The following ZNF804B variants were observed in gnomAD, a reference collection of about 807,000 sequenced individuals.
ZNF804B encodes zinc finger 804B.
In ZNF804B, 80 loss-of-function variants were observed where a neutral mutation model predicts 101.4. That is an observed-to-expected ratio of 0.79 (90% CI 0.66 to 0.95). ZNF804B has a LOEUF of 0.95. ZNF804B is among the 40% of genes least tolerant of loss of function. The pLI is 0.00. For synonymous variants in ZNF804B, 622 were observed against 558.8 expected, an observed-to-expected ratio of 1.11 and a Z score of -1.59; for missense variants, 1,673 against 1,561.9, an observed-to-expected ratio of 1.07 and a Z score of -1.20.
intron 2 of ZNF804B, among the ~76,000 whole-genome samples, chr7:89,308,837 G>C (rs1790607222): frequency 6.6e-6 from 1 of 152,194 alleles, no homozygotes; most frequent in African/African-American, 2.4e-5. Flanking sequence ...AAAAGTAGAA[G>C]TGGCTGTTTT....
At chr7:89,185,582 C>T (rs142584707) in intron 1 of ZNF804B, among the ~76,000 whole-genome samples, 3 of 152,190 alleles carry the variant, frequency 2.0e-5, no homozygotes, top group East Asian at 1.9e-4. Context: ...AGGATCTGGT[C>T]GGGCGCGGTG....
intron 1 of ZNF804B, among the ~76,000 whole-genome samples, chr7:88,946,554 C>CTTTT (rs202172425): frequency 7.8e-6 from 1 of 128,120 alleles, no homozygotes; most frequent in Non-Finnish European, 1.7e-5. Context: ...CTGAAATTTT[C>CTTTT]TTTTTTTTTT....
At chr7:89,317,815 G>T (rs1294796497) in intron 2 of ZNF804B, among the ~76,000 whole-genome samples, 1 of 152,194 alleles carries the variant, frequency 6.6e-6, no homozygotes, top group Non-Finnish European at 1.5e-5. Flanking sequence ...TGGCCAACCA[G>T]TATAGACAGA....
intron 2 of ZNF804B, among the ~76,000 whole-genome samples, chr7:89,272,058 T>C (rs1265252931): frequency 6.6e-6 from 1 of 152,052 alleles, no homozygotes; most frequent in Admixed American, 6.6e-5. Context: ...TTTAAATTAT[T>C]CTCATTTTTT....
chr7:88,990,229 T>C (rs1793825799), intron 1 of ZNF804B, among the ~76,000 whole-genome samples: 1 of 151,992 alleles, frequency 6.6e-6, no homozygotes, highest in Non-Finnish European at 1.5e-5. Context: ...AAATATAGTA[T>C]ACTTCTTGGG....
chr7:89,281,967 C>T (rs1001748577), intron 2 of ZNF804B, among the ~76,000 whole-genome samples: 11 of 151,886 alleles, frequency 7.2e-5, no homozygotes, highest in South Asian at 4.2e-4. Context: ...TTTGGGAGGC[C>T]GAGGCGGGCG....
intron 1 of ZNF804B, among the ~76,000 whole-genome samples, chr7:89,045,273 A>G (rs1013332123): frequency 2.0e-5 from 3 of 152,244 alleles, no homozygotes; most frequent in Non-Finnish European, 4.4e-5. Flanking sequence ...ATGTCCAGGC[A>G]GAAGTCTGCT....
At position 88,910,078 on chromosome 7, in the gene ZNF804B, T is replaced by C. The variant is rs936956680; in HGVS notation, c.108+149994T>C. 3.0e-4 allele frequency among the ~76,000 whole-genome samples: 45 copies of C among 151,840 alleles called. 1 individual carries two copies. The highest frequency in any genetic ancestry group is 2.8e-3 in the Admixed American group (42 of 15,202). ...TATAACTATTATAAAAACAATCACA[T>C]TAGATTTAAAAACATAACCAGGGCA... On this transcript the variant is annotated intron_variant, in intron 1 of 3. Transcript: ENST00000333190.
rs540751082 is a variant in ZNF804B, at chr7:88,788,096, C to T, written c.108+28012C>T. Among the ~76,000 whole-genome samples, 7 of 152,070 alleles carry T rather than the reference C, an allele frequency of 4.6e-5. No homozygotes were observed. In the East Asian group the frequency reaches 5.8e-4, roughly 13 times the overall value. ...GGAGGGGTAGGTTGAAGGAATGTGG[C>T]GGCAGGGAATGATGCATTCATCTAG... On this transcript the variant is annotated intron_variant, in intron 1 of 3. Coordinates refer to ENST00000333190, the MANE Select transcript of ZNF804B (RefSeq NM_181646.5).
At chr7:89,027,337 G>T (rs1355671152) in intron 1 of ZNF804B, among the ~76,000 whole-genome samples, 1 of 152,080 alleles carries the variant, frequency 6.6e-6, no homozygotes, top group African/African-American at 2.4e-5. Flanking sequence ...ATGTTCGATA[G>T]GAAAAGGATT....
At position 88,791,629 on chromosome 7, in the gene ZNF804B, ATTGC is replaced by A. The variant is rs369968066; in HGVS notation, c.108+31547_108+31550del. Among the ~76,000 whole-genome samples, 671 of 152,174 alleles carry A rather than the reference ATTGC, an allele frequency of 4.4e-3. 5 individuals are homozygous for A. Among genetic ancestry groups the A allele is most frequent in the African/African-American group, 0.016 (646 of 41,532 alleles). On this transcript the variant is annotated intron_variant, in intron 1 of 3. Coordinates refer to ENST00000333190, the MANE Select transcript of ZNF804B (RefSeq NM_181646.5). ...AGGCAGTGTGTTGAATATACCCCCT[ATTGC>A]TACTTGTACACCCAGTGACTAGCAC...
chr7:89,151,989 T>C (rs1171049280), intron 1 of ZNF804B, among the ~76,000 whole-genome samples: 1 of 152,104 alleles, frequency 6.6e-6, no homozygotes, highest in East Asian at 1.9e-4. Context: ...ATTTTTATAA[T>C]CTTTTGTTCT....
At chr7:88,837,164 A>G (rs114889869) in intron 1 of ZNF804B, among the ~76,000 whole-genome samples, 3,921 of 151,968 alleles carry the variant, frequency 0.026, 132 homozygotes, top group African/African-American at 0.072. Context: ...GGTACACAAT[A>G]TATTTTTTTT....
chr7:89,225,952 G>C (rs1789081884), intron 2 of ZNF804B, among the ~76,000 whole-genome samples: 1 of 152,102 alleles, frequency 6.6e-6, no homozygotes, highest in South Asian at 2.1e-4. Flanking sequence ...GAGTTCAAGA[G>C]AGACAATAGG....
chr7:88,904,333 C>A (rs908222965), intron 1 of ZNF804B, among the ~76,000 whole-genome samples: 2 of 152,064 alleles, frequency 1.3e-5, no homozygotes. Flanking sequence ...GTAACAGTGC[C>A]ATGCTGTTTT....
At chr7:89,281,033 A>C (rs996820183) in intron 2 of ZNF804B, among the ~76,000 whole-genome samples, 2 of 152,200 alleles carry the variant, frequency 1.3e-5, no homozygotes, top group African/African-American at 4.8e-5. Flanking sequence ...CTTTCACTTC[A>C]TGATTGATGT....
At chr7:89,182,986 G>T (rs1459713234) in intron 1 of ZNF804B, among the ~76,000 whole-genome samples, 1 of 152,116 alleles carries the variant, frequency 6.6e-6, no homozygotes, top group Non-Finnish European at 1.5e-5. Context: ...ATAAATGCAA[G>T]GAAGAAATTA....
At chr7:88,776,555 GTTTTGTTTTTTT>G (rs1235772199) in intron 1 of ZNF804B, among the ~76,000 whole-genome samples, 3 of 106,456 alleles carry the variant, frequency 2.8e-5, no homozygotes, top group African/African-American at 6.6e-5. Flanking sequence ...TTCTCGTGGT[GTTTTGTTTTTTT>G]TTTTTTTTTT....
At chr7:88,792,674 A>G (rs1219116438) in intron 1 of ZNF804B, among the ~76,000 whole-genome samples, 1 of 152,100 alleles carries the variant, frequency 6.6e-6, no homozygotes, top group Admixed American at 6.6e-5. Flanking sequence ...TAGACAGCAT[A>G]ATGCTGTTTA....
Sources: gnomAD v4.1 joint callset for allele counts (sites outside exome capture counted in the v4.1 genomes callset) on GRCh38, gnomAD v4.1.1 for gene constraint, MANE v1.5 for transcripts, NCBI Gene and HGNC (gene_info 2026-07-23, HGNC 2026-07-21) for gene names.